The following ACTN4 variants were observed in gnomAD, a reference collection of about 807,000 sequenced individuals.
ACTN4 encodes the protein alpha-actinin-4.
Under a neutral mutation model 114.2 loss-of-function variants are expected in ACTN4, and 18 were observed. That is an observed-to-expected ratio of 0.16 (90% confidence interval 0.11 to 0.23). ACTN4 has a LOEUF of 0.23. Among genes scored for constraint, ACTN4 ranks in the 10% least tolerant of loss-of-function variants. The probability of loss-of-function intolerance (pLI) is 1.00; values close to 1 mark genes in which losing one functional copy is unlikely to be tolerated. For missense variants in ACTN4, 722 were observed against 1,262.9 expected (o/e 0.57, Z 6.49); for synonymous variants, 515 against 506.3 (o/e 1.02, Z -0.23).
At chr19:38,729,210 G>A in intron 20 of ACTN4, 56 bp downstream of exon 20, 1 of 1,612,790 alleles carries the variant, frequency 6.2e-7, no homozygotes, top group South Asian at 1.1e-5. Context: ...CCCTGCAGTG[G>A]GAGGGGCTGA....
Position 38,705,934 on chromosome 19 carries a change from C to G in ACTN4, c.485-110C>G, listed in dbSNP as rs1047942222. 19 of 1,020,644 alleles carry G rather than the reference C, an allele frequency of 1.9e-5. No homozygotes were observed. The African/African-American group carries it at 2.7e-4, about 14-fold the overall frequency. The allele number at this position is 1,020,644 out of a possible 1,614,324, so 63.2% of individuals were successfully genotyped here. ...TGTTGTTAGGACAGATATCCTCTCC[C>G]CTTGGGTTTCGTTTGACCCCAGGCC... is the stretch of plus-strand genomic sequence containing the variant. On this transcript the variant is annotated intron_variant, in intron 4 of 20. Transcript: ENST00000252699.
intron 1 of ACTN4, among the ~76,000 whole-genome samples, chr19:38,682,170 A>G (rs1418081174): frequency 1.3e-5 from 2 of 152,078 alleles, no homozygotes; most frequent in Non-Finnish European, 2.9e-5. Context: ...ATATTTTCCA[A>G]CAAAGCAACT....
At chr19:38,726,550 C>G (rs553091288) in intron 17 of ACTN4, among the ~76,000 whole-genome samples, 6 of 152,124 alleles carry the variant, frequency 3.9e-5, no homozygotes, top group Non-Finnish European at 7.4e-5. Flanking sequence ...AGCTGGTCGC[C>G]GTCATATTGG....
intron 9 of ACTN4, among the ~76,000 whole-genome samples, chr19:38,715,595 A>G (rs1968812814): frequency 6.6e-6 from 1 of 152,220 alleles, no homozygotes; most frequent in Non-Finnish European, 1.5e-5. Flanking sequence ...AGACCAGGAA[A>G]ATTTGAAAAA....
chr19:38,696,475 G>T (rs1968096447), intron 1 of ACTN4, among the ~76,000 whole-genome samples: 1 of 152,100 alleles, frequency 6.6e-6, no homozygotes, highest in Non-Finnish European at 1.5e-5. Flanking sequence ...GTCTAAACCG[G>T]GTAGGGAGAG....
intron 1 of ACTN4, among the ~76,000 whole-genome samples, chr19:38,667,604 A>G (rs1338046303): frequency 6.6e-6 from 1 of 152,044 alleles, no homozygotes; most frequent in African/African-American, 2.4e-5. Context: ...TTTGTGGCCC[A>G]AAGGCAGCGT....
In ACTN4 at chr19:38,727,814, C is replaced by A; in HGVS notation, c.2338-132C>A. On this transcript the variant is annotated intron_variant, in intron 18 of 20. Transcript: ENST00000252699. This position sits in a 1 kb window ranked among gnomAD's most constrained non-coding sequence, Gnocchi z 5.4. ...ACGTGTCCCTGGCCATCTCCTTGTC[C>A]ATGTTGCCTCTAACTCTGTGTTTCC... 2 of 824,902 alleles carry A rather than the reference C, an allele frequency of 2.4e-6. No individual in the cohort carries two copies. The highest frequency in any genetic ancestry group is 2.1e-5 in the Admixed American group (1 of 47,668). 51.1% of individuals were successfully genotyped at this position (824,902 alleles called of 1,614,324 possible).
Position 38,727,082 on chromosome 19 carries a change from G to A in ACTN4, c.2316G>A (p.Ala772=), listed in dbSNP as rs192382222. The change falls in exon 18 of 21, where the codon GCG becomes GCA. Residue 772 remains alanine (A), a synonymous_variant. Coordinates refer to ENST00000252699, the MANE Select transcript of ACTN4 (RefSeq NM_004924.6). This position sits in a 1 kb window ranked among gnomAD's most constrained non-coding sequence, Gnocchi z 5.4. ...AGGAGCAGATGCAGGAGTTCCGGGCGTCCTTCAACCACTTCGACAAGGTGA... is the reference window on the plus strand; with the variant it reads ...AGGAGCAGATGCAGGAGTTCCGGGCATCCTTCAACCACTTCGACAAGGTGA... ...ISQEQMQEFR[A]SFNHFDKDHG... is the part of the protein sequence containing the mutation. The A allele has an allele frequency of 1.2e-4, 189 of 1,614,056 alleles. No homozygotes were observed. The African/African-American group carries it at 1.9e-3, about 16-fold the overall frequency.
chr19:38,730,945 G>C lies in ACTN4; in HGVS notation c.*1513G>C. 1 of 1,550,580 alleles carries C rather than the reference G, an allele frequency of 6.4e-7. No homozygotes were observed. Among genetic ancestry groups the C allele is most frequent in the Non-Finnish European group, 8.7e-7 (1 of 1,147,060 alleles). ...CGCAGGACAGAGCCTGAGCCACCCTGTCCCTCCCACCTGGCTCACCTGTCT... is the reference window on the plus strand; with the variant it reads ...CGCAGGACAGAGCCTGAGCCACCCTCTCCCTCCCACCTGGCTCACCTGTCT... On this transcript the variant is annotated 3_prime_UTR_variant, in exon 21 of 21. Coordinates refer to ENST00000252699, the MANE Select transcript of ACTN4 (RefSeq NM_004924.6).
intron 19 of ACTN4, 83 bp downstream of exon 19, chr19:38,728,109 C>T: frequency 6.8e-7 from 1 of 1,481,320 alleles, no homozygotes; most frequent in African/African-American, 1.4e-5. Context: ...CCTCGCCATC[C>T]CACCCCTGCC....
Position 38,724,506 on chromosome 19 carries a change from C to T in ACTN4, c.1951C>T (p.Arg651Cys), listed in dbSNP as rs1969165561. 6.2e-7 allele frequency: 1 copy of T among 1,613,274 alleles called. No individual in the cohort carries two copies. The highest frequency in any genetic ancestry group is 8.5e-7 in the Non-Finnish European group (1 of 1,179,954). ...QSKQQSNEHL[R>C]RQFASQANVV... ...CAAGCAGCAGTCCAACGAGCACCTG[C>T]GCCGCCAGTTCGCCAGCCAGGCCAA... Residue 651 changes from arginine to cysteine, a missense_variant, in exon 16 of 21, where the codon CGC becomes TGC. Physicochemically the swap from Arg to Cys is radical, Grantham distance 180. This residue lies in a region of ACTN4 where 523 missense variants were observed against 875.9 expected (regional missense o/e 0.60). Transcript: ENST00000252699. The surrounding 1 kb of genome is among the most constrained non-coding windows in gnomAD (Gnocchi z 7.0).
rs1451568876 is a variant in ACTN4 at position 38,673,692 on chromosome 19, TA to T, written c.162+25786del. Among the ~76,000 whole-genome samples the T allele has an allele frequency of 3.8e-4, 28 of 74,540 alleles. 3 individuals are homozygous for T. The highest frequency in any genetic ancestry group is 8.1e-4 in the African/African-American group (16 of 19,704). 48.9% of individuals were successfully genotyped at this position (74,540 alleles called of 152,430 possible). On this transcript the variant is annotated intron_variant, in intron 1 of 20. Coordinates refer to ENST00000252699, the MANE Select transcript of ACTN4 (RefSeq NM_004924.6). ...TATATATTTATATATTTATATATAT[TA>T]TATATATTTATATATTTATATATTT...
Position 38,647,775 on chromosome 19 carries a change from G to A in ACTN4, c.30G>A (p.Ser10=). Residue 10 remains serine, a synonymous_variant, in exon 1 of 21, where the codon TCG becomes TCA. Coordinates refer to ENST00000252699, the MANE Select transcript of ACTN4 (RefSeq NM_004924.6). MVDYHAANQ[S]YQYGPSSAGN... ...TGGACTACCACGCGGCGAACCAGTC[G>A]TACCAGTACGGCCCCAGCAGCGCGG... The A allele has an allele frequency of 1.3e-6, 2 of 1,554,404 alleles. No homozygotes were observed. The highest frequency in any genetic ancestry group is 2.5e-5 in the East Asian group (1 of 39,548).
At position 38,728,992 on chromosome 19, in the gene ACTN4, G is replaced by C. The variant is rs1359617156; in HGVS notation, c.2419-4G>C. 6 of 1,612,860 alleles carry C rather than the reference G, an allele frequency of 3.7e-6. No homozygotes were observed. The East Asian group carries it at 1.3e-4, about 36-fold the overall frequency. ...GTGTCCCCCACCCCACCCTCTCCTT[G>C]CAGGGTGAGGCCGAGTTCAACCGCA... On this transcript the variant is annotated splice_polypyrimidine_tract_variant and splice_region_variant and intron_variant, in intron 19 of 20. Transcript: ENST00000252699.
intron 7 of ACTN4, among the ~76,000 whole-genome samples, chr19:38,709,776 G>T (rs898586337): frequency 6.6e-6 from 1 of 152,228 alleles, no homozygotes; most frequent in Non-Finnish European, 1.5e-5. Context: ...CCCAGGAAGG[G>T]CAAGGTGGCT....
At chr19:38,706,160 T>C (rs766071828) in intron 5 of ACTN4, 29 bp downstream of exon 5, 1 of 1,603,700 alleles carries the variant, frequency 6.2e-7, no homozygotes, top group Non-Finnish European at 8.5e-7. Flanking sequence ...CATCCTCTCC[T>C]TTCCTCTAGG....
chr19:38,703,663 C>T (rs772641739), intron 3 of ACTN4, among the ~76,000 whole-genome samples: 18 of 152,186 alleles, frequency 1.2e-4, no homozygotes, highest in Non-Finnish European at 2.1e-4. Context: ...GCACTGGATC[C>T]AGTGGTGGTC....
intron 1 of ACTN4, among the ~76,000 whole-genome samples, chr19:38,651,328 A>C (rs1468692310): frequency 6.6e-6 from 1 of 152,146 alleles, no homozygotes; most frequent in Non-Finnish European, 1.5e-5. Context: ...TAAGTAGGTT[A>C]TGCAACGGTT....
At chr19:38,660,168 C>T (rs1159780494) in intron 1 of ACTN4, among the ~76,000 whole-genome samples, 2 of 152,190 alleles carry the variant, frequency 1.3e-5, no homozygotes, top group South Asian at 2.1e-4. Context: ...GTCATCCACC[C>T]GCTTTGGCCT....
Sources: gnomAD v4.1 joint callset for allele counts (sites outside exome capture counted in the v4.1 genomes callset) on GRCh38, gnomAD v4.1.1 for gene constraint, gnomAD v4.1.1 regional missense constraint, Gnocchi (gnomAD v3.1) non-coding constraint, MANE v1.5 for transcripts, NCBI Gene and HGNC (gene_info 2026-07-23, HGNC 2026-07-21) for gene names.